The following TMPRSS15 variants were observed in gnomAD, a reference collection of about 807,000 sequenced individuals.
The protein encoded by TMPRSS15 is enteropeptidase.
Under a neutral mutation model 125.3 loss-of-function variants are expected in TMPRSS15, and 128 were observed. The observed-to-expected ratio is 1.02, with a 90% confidence interval of 0.89 to 1.18. The LOEUF (loss-of-function observed/expected upper bound fraction) is 1.18. Among genes scored for constraint, TMPRSS15 ranks in the 50% most tolerant of loss-of-function variants. TMPRSS15 has a pLI of 0.00. For synonymous variants in TMPRSS15, 446 were observed against 423.2 expected, an observed-to-expected ratio of 1.05 and a Z score of -0.66; for missense variants, 1,283 against 1,212.7, an observed-to-expected ratio of 1.06 and a Z score of -0.86.
intron 1 of TMPRSS15, among the ~76,000 whole-genome samples, chr21:18,461,070 T>G (rs1440403470): frequency 2.0e-5 from 3 of 152,150 alleles, no homozygotes; most frequent in African/African-American, 7.2e-5. Context: ...AAAAATTACA[T>G]TTGTCTTATC....
At chr21:18,434,026 G>C (rs2076222643) in intron 1 of TMPRSS15, among the ~76,000 whole-genome samples, 1 of 152,096 alleles carries the variant, frequency 6.6e-6, no homozygotes, top group African/African-American at 2.4e-5. Flanking sequence ...CTTTCACATG[G>C]ATCCATTTGT....
chr21:18,292,202 C>T (rs932961067), intron 21 of TMPRSS15, among the ~76,000 whole-genome samples: 1 of 152,200 alleles, frequency 6.6e-6, no homozygotes, highest in Non-Finnish European at 1.5e-5. Flanking sequence ...CAAGGTTACT[C>T]TCATGTAGAC....
intron 5 of TMPRSS15, among the ~76,000 whole-genome samples, chr21:18,372,643 C>A (rs2075803421): frequency 6.6e-6 from 1 of 152,134 alleles, no homozygotes. Context: ...ATTTACCAAC[C>A]AAAGTCATTT....
At chr21:18,355,673 G>A (rs78054620) in intron 8 of TMPRSS15, among the ~76,000 whole-genome samples, 647 of 151,884 alleles carry the variant, frequency 4.3e-3, no homozygotes, top group Non-Finnish European at 6.7e-3. Flanking sequence ...CCTTTCTTCT[G>A]TAGTGTTACA....
intron 21 of TMPRSS15, among the ~76,000 whole-genome samples, chr21:18,282,097 CAAA>C (rs954911028): frequency 0.051 from 1,263 of 24,692 alleles, 5 homozygotes; most frequent in African/African-American, 0.12. Context: ...GACTCCGCCT[CAAA>C]AAAAAAAAAA....
intron 16 of TMPRSS15, among the ~76,000 whole-genome samples, chr21:18,319,836 T>A (rs2075215932): frequency 6.6e-6 from 1 of 152,244 alleles, no homozygotes; most frequent in Non-Finnish European, 1.5e-5. Flanking sequence ...TTCCTCTCAG[T>A]ATCTTACAAC....
At chr21:18,343,902 G>T (rs2146989871) in intron 11 of TMPRSS15, 53 bp downstream of exon 11, 2 of 1,514,192 alleles carry the variant, frequency 1.3e-6, no homozygotes, top group Admixed American at 3.3e-5. Flanking sequence ...GCCTGAGCAA[G>T]GCAATGTTAC....
chr21:18,445,206 ATTT>A (rs71191408), intron 1 of TMPRSS15, among the ~76,000 whole-genome samples: 45,385 of 141,490 alleles, frequency 0.32, 8,394 homozygotes, highest in Middle Eastern at 0.5. Context: ...TATATACCAC[ATTT>A]TTTTTTTTTT....
Position 18,410,369 on chromosome 21 carries a change from G to C in TMPRSS15, c.11-12040C>G, listed in dbSNP as rs146550321. 1.3e-3 allele frequency among the ~76,000 whole-genome samples: 192 copies of C among 152,136 alleles called. 3 individuals are homozygous for C. Among genetic ancestry groups the C allele is most frequent in the East Asian group, 7.2e-3 (37 of 5,144 alleles). On this transcript the variant is annotated intron_variant, in intron 1 of 7. Coordinates refer to the TMPRSS15 transcript ENST00000422787. The stretch of plus-strand genomic sequence containing the variant: ...TCTACAATTTAATGAGTAGCATTAA[G>C]AATTGACAAACTCCTAATGGCTCCT...
intron 22 of TMPRSS15, among the ~76,000 whole-genome samples, chr21:18,279,327 T>A (rs1411137547): frequency 8.7e-6 from 1 of 115,082 alleles, no homozygotes; most frequent in Non-Finnish European, 1.8e-5. Flanking sequence ...TTTTTTTTTT[T>A]TTTTTTTTTT....
chr21:18,421,763 CA>C (rs1272064088), intron 1 of TMPRSS15, among the ~76,000 whole-genome samples: 1 of 152,084 alleles, frequency 6.6e-6, no homozygotes. Context: ...TTTTCTGATA[CA>C]AAAGTTTCCC....
At chr21:18,474,869 G>A (rs1978848424) in intron 1 of TMPRSS15, among the ~76,000 whole-genome samples, 1 of 152,102 alleles carries the variant, frequency 6.6e-6, no homozygotes. Flanking sequence ...AATGTTCATG[G>A]AGCTCAGACA....
At chr21:18,333,420 C>T (rs1268607772) in intron 13 of TMPRSS15, among the ~76,000 whole-genome samples, 1 of 151,998 alleles carries the variant, frequency 6.6e-6, no homozygotes, top group Non-Finnish European at 1.5e-5. Context: ...GTTTCATAAA[C>T]TAAGATATAA....
intron 21 of TMPRSS15, among the ~76,000 whole-genome samples, chr21:18,284,233 A>C (rs2074736753): frequency 6.6e-6 from 1 of 152,046 alleles, no homozygotes; most frequent in African/African-American, 2.4e-5. Context: ...CCCACCACAA[A>C]ACCAACACTA....
At chr21:18,463,120 C>A (rs190275145) in intron 1 of TMPRSS15, among the ~76,000 whole-genome samples, 1 of 151,400 alleles carries the variant, frequency 6.6e-6, no homozygotes, top group Non-Finnish European at 1.5e-5. Context: ...AAGACACAGA[C>A]GGGCAATTTG....
chr21:18,433,705 G>A (rs7282127), intron 1 of TMPRSS15, among the ~76,000 whole-genome samples: 15,057 of 146,836 alleles, frequency 0.1, 885 homozygotes, highest in African/African-American at 0.13. Context: ...CATAGTTTGA[G>A]GATATAAAGA....
rs932121201 is a variant in TMPRSS15 at position 18,312,859 on chromosome 21, A to C, written c.2165+86T>G. 2.5e-5 allele frequency: 38 copies of C among 1,526,400 alleles called. No homozygotes were observed. In the African/African-American group the frequency reaches 3.6e-4, roughly 15 times the overall value. The allele number at this position is 1,526,400 out of a possible 1,614,324, so 94.6% of individuals were successfully genotyped here. ...TATTTTCTAAATTCATAACTTTATAAATTTTAAAGCTCTTATTAAACCTAA... is the reference window on the plus strand; with the variant it reads ...TATTTTCTAAATTCATAACTTTATACATTTTAAAGCTCTTATTAAACCTAA... On this transcript the variant is annotated intron_variant, in intron 18 of 24. Coordinates refer to ENST00000284885, the MANE Select transcript of TMPRSS15 (RefSeq NM_002772.3).
At chr21:18,468,718 C>A (rs1213816321) in intron 1 of TMPRSS15, among the ~76,000 whole-genome samples, 1 of 152,144 alleles carries the variant, frequency 6.6e-6, no homozygotes, top group Non-Finnish European at 1.5e-5. Context: ...TACCCACACC[C>A]AATGTTTCAT....
At chr21:18,374,377 G>GCAGGAGAATGGCGTGAACC (rs1455015997) in intron 5 of TMPRSS15, among the ~76,000 whole-genome samples, 1 of 150,104 alleles carries the variant, frequency 6.7e-6, no homozygotes, top group Non-Finnish European at 1.5e-5. Flanking sequence ...GGAGGCTGAG[G>GCAGGAGAATGGCGTGAACC]CAGGAGAATG....
Sources: gnomAD v4.1 joint callset for allele counts (sites outside exome capture counted in the v4.1 genomes callset) on GRCh38, gnomAD v4.1.1 for gene constraint, MANE v1.5 for transcripts, NCBI Gene and HGNC (gene_info 2026-07-23, HGNC 2026-07-21) for gene names.